DLG2: variants seen among roughly 807,000 people sequenced by gnomAD.
The protein encoded by DLG2 is disks large homolog 2.
A neutral mutation model predicts 132.5 loss-of-function variants in DLG2; 45 were observed. The observed-to-expected ratio is 0.34, with a 90% CI of 0.27 to 0.44. The LOEUF is 0.44. DLG2 is among the 20% of genes least tolerant of loss of function. DLG2 has a pLI of 1.00. For synonymous variants in DLG2, 424 were observed against 419.6 expected (o/e 1.01, Z -0.13); for missense variants, 1,045 against 1,196.9 (o/e 0.87, Z 1.87).
chr11:84,639,788 T>C (rs1035031306), intron 6 of DLG2, among the ~76,000 whole-genome samples: 2 of 152,210 alleles, frequency 1.3e-5, no homozygotes, highest in East Asian at 1.9e-4. Flanking sequence ...CTCTTCTTGA[T>C]ATATCCAATT....
chr11:84,102,737 C>A (rs2092633578), intron 9 of DLG2, among the ~76,000 whole-genome samples: 1 of 152,022 alleles, frequency 6.6e-6, no homozygotes, highest in Admixed American at 6.6e-5. Flanking sequence ...CTCTTGCCAA[C>A]AGAGAAAAGG....
At chr11:85,057,871 C>G (rs537571960) in intron 6 of DLG2, among the ~76,000 whole-genome samples, 22 of 151,462 alleles carry the variant, frequency 1.5e-4, no homozygotes, top group Middle Eastern at 3.4e-3. Context: ...TTAATAGATA[C>G]AGAAAATATA....
At chr11:84,841,350 C>A (rs1046085333) in intron 6 of DLG2, among the ~76,000 whole-genome samples, 1 of 151,908 alleles carries the variant, frequency 6.6e-6, no homozygotes, top group Non-Finnish European at 1.5e-5. Flanking sequence ...TCTGTTAGCT[C>A]TGTGTTTGAA....
Position 85,552,788 on chromosome 11 carries a change from T to A in DLG2, c.40+45869A>T, listed in dbSNP as rs533108092. Among the ~76,000 whole-genome samples, 24 of 151,480 alleles carry A rather than the reference T, an allele frequency of 1.6e-4. 3 individuals carry two copies. Among genetic ancestry groups the A allele is most frequent in the Non-Finnish European group, 3.4e-4 (23 of 67,676 alleles). ...ATGACAGAATGAATGTTATGGAGGATAGAATAAGAAACATTCATCTATCTA... is the reference window on the plus strand; with the variant it reads ...ATGACAGAATGAATGTTATGGAGGAAAGAATAAGAAACATTCATCTATCTA... On this transcript the variant is annotated intron_variant, in intron 3 of 27. Transcript: ENST00000376104.
intron 7 of DLG2, among the ~76,000 whole-genome samples, chr11:84,354,572 A>G (rs2098599719): frequency 6.6e-6 from 1 of 152,162 alleles, no homozygotes; most frequent in African/African-American, 2.4e-5. Flanking sequence ...GATAAACTAT[A>G]GAAAATTGCT....
chr11:84,413,345 G>A (rs1241016392), intron 7 of DLG2, among the ~76,000 whole-genome samples: 2 of 152,184 alleles, frequency 1.3e-5, no homozygotes, highest in Admixed American at 6.5e-5. Flanking sequence ...TTTCAATTGG[G>A]TTTTAAGAAA....
At chr11:85,572,019 T>A (rs541403056) in intron 3 of DLG2, among the ~76,000 whole-genome samples, 48 of 152,298 alleles carry the variant, frequency 3.2e-4, no homozygotes, top group Non-Finnish European at 5.9e-4. Flanking sequence ...AAGTTTTTTT[T>A]AATCCATAAA....
chr11:85,050,612 A>G lies in DLG2; in HGVS notation c.357+61049T>C, dbSNP rs190204924. ...GTTTTGTTCAATGTTGGACGAGTAC[A>G]TGTTAGAGATGTCTTTTCTGAGCCC... is the stretch of plus-strand genomic sequence containing the variant. On this transcript the variant is annotated intron_variant, in intron 6 of 27. Coordinates refer to ENST00000376104, the MANE Select transcript of DLG2 (RefSeq NM_001142699.3). Among the ~76,000 whole-genome samples the G allele has an allele frequency of 9.9e-5, 15 of 152,252 alleles. No individual in the cohort carries two copies. In the East Asian group the frequency reaches 2.9e-3, roughly 29 times the overall value.
chr11:83,619,310 A>T (rs1038285008), intron 19 of DLG2, among the ~76,000 whole-genome samples: 2 of 152,366 alleles, frequency 1.3e-5, no homozygotes, highest in East Asian at 3.9e-4. Flanking sequence ...CCCAAAACTT[A>T]TAGAACTTGC....
intron 18 of DLG2, among the ~76,000 whole-genome samples, chr11:83,733,777 T>C (rs1454878786): frequency 6.6e-6 from 1 of 152,228 alleles, no homozygotes; most frequent in East Asian, 1.9e-4. Context: ...TTGTTGTTGC[T>C]TTAAATGGAT....
chr11:83,910,495 C>T (rs1215542092), intron 15 of DLG2, among the ~76,000 whole-genome samples: 2 of 152,044 alleles, frequency 1.3e-5, no homozygotes, highest in Non-Finnish European at 2.9e-5. Flanking sequence ...AATTTAATGT[C>T]CTGTAGCATG....
At chr11:84,618,064 T>C (rs2099607577) in intron 6 of DLG2, among the ~76,000 whole-genome samples, 1 of 152,036 alleles carries the variant, frequency 6.6e-6, no homozygotes, top group East Asian at 1.9e-4. Flanking sequence ...AACGCTGAAG[T>C]ATCCTGGTAG....
At chr11:84,565,297 A>C (rs950562290) in intron 6 of DLG2, among the ~76,000 whole-genome samples, 9 of 152,290 alleles carry the variant, frequency 5.9e-5, no homozygotes, top group African/African-American at 2.2e-4. Context: ...AAGTAGTAGA[A>C]TAGGGCATCA....
At chr11:84,353,891 G>A (rs986170683) in intron 7 of DLG2, among the ~76,000 whole-genome samples, 14 of 152,046 alleles carry the variant, frequency 9.2e-5, no homozygotes, top group South Asian at 2.1e-4. Flanking sequence ...TTTAATTTAT[G>A]TTAGATCTTC....
At chr11:84,984,132 A>G (rs1408100847) in intron 6 of DLG2, among the ~76,000 whole-genome samples, 2 of 152,200 alleles carry the variant, frequency 1.3e-5, no homozygotes, top group African/African-American at 4.8e-5. Flanking sequence ...AGAGACCTAG[A>G]CATCTAAATA....
At chr11:84,555,981 C>A (rs2099411263) in intron 6 of DLG2, among the ~76,000 whole-genome samples, 1 of 152,154 alleles carries the variant, frequency 6.6e-6, no homozygotes, top group African/African-American at 2.4e-5. Context: ...TCAGCCCCTG[C>A]CCATCTGCAT....
At chr11:83,537,394 T>C (rs1273919652) in intron 20 of DLG2, among the ~76,000 whole-genome samples, 7 of 152,284 alleles carry the variant, frequency 4.6e-5, no homozygotes, top group Admixed American at 3.9e-4. Flanking sequence ...GTCACCCACA[T>C]TAGTGGCCAC....
chr11:84,899,275 T>G (rs2090590095), intron 6 of DLG2, among the ~76,000 whole-genome samples: 1 of 152,096 alleles, frequency 6.6e-6, no homozygotes, highest in African/African-American at 2.4e-5. Context: ...TGAGGAAGGT[T>G]TGCTGAAGGC....
intron 8 of DLG2, among the ~76,000 whole-genome samples, chr11:84,169,791 T>A (rs1596529392): frequency 6.6e-6 from 1 of 151,734 alleles, no homozygotes; most frequent in South Asian, 2.1e-4. Context: ...GAGAATCGCT[T>A]GAAGCAGGGA....
Sources: gnomAD v4.1 joint callset for allele counts (sites outside exome capture counted in the v4.1 genomes callset) on GRCh38, gnomAD v4.1.1 for gene constraint, MANE v1.5 for transcripts, NCBI Gene and HGNC (gene_info 2026-07-23, HGNC 2026-07-21) for gene names.